The following GOSR2 variants were observed in gnomAD, a reference collection of about 807,000 sequenced individuals.
GOSR2 encodes the protein golgi SNAP receptor complex member 2.
In GOSR2, 20 loss-of-function variants were observed where a neutral mutation model predicts 27.9. That is an observed-to-expected ratio of 0.72 (90% CI 0.50 to 1.04). GOSR2 has a LOEUF of 1.04. Ranked by LOEUF, GOSR2 falls within the 50% of genes least tolerant of loss-of-function variation. The pLI, the probability that GOSR2 is intolerant of heterozygous loss-of-function variation, is 0.00. For synonymous variants in GOSR2, 91 were observed against 98.8 expected (o/e 0.92, Z 0.47); for missense variants, 261 against 270.5 (o/e 0.97, Z 0.25).
downstream of GOSR2, among the ~76,000 whole-genome samples, chr17:46,943,304 G>C (rs1421393075): frequency 6.6e-6 from 1 of 152,192 alleles, no homozygotes; most frequent in Non-Finnish European, 1.5e-5. Context: ...TCTCTGCTGA[G>C]TAAAGCACCT....
chr17:46,973,006 T>C (rs2091408407), intron 6 of GOSR2: 1 of 152,994 alleles, frequency 6.5e-6, no homozygotes, highest in Admixed American at 6.6e-5. Flanking sequence ...GGTGGGAAAG[T>C]GTCAAATAAA....
Position 46,941,826 on chromosome 17 carries a change from TCTGC to T in GOSR2, c.*3071_*3074del. ...GTCTTAAACTCCTGGCCTCAAGTGA[TCTGC>T]CTGCTTCGGCCTCCCAAAGTTCTAG... On this transcript the variant is annotated 3_prime_UTR_variant, in exon 6 of 6. Coordinates refer to ENST00000640051, the MANE Select transcript of GOSR2 (RefSeq NM_004287.5). 2.1e-6 allele frequency: 1 copy of T among 482,892 alleles called. No individual in the cohort carries two copies. The highest frequency in any genetic ancestry group is 2.7e-6 in the Non-Finnish European group (1 of 370,434). The allele number at this position is 482,892 out of a possible 1,614,324, so 29.9% of individuals were successfully genotyped here.
chr17:46,943,271 G>T (rs1014945642), downstream of GOSR2, among the ~76,000 whole-genome samples: 57 of 152,100 alleles, frequency 3.7e-4, no homozygotes, highest in African/African-American at 1.3e-3. Context: ...GTGGCCATTG[G>T]GTGCCCCTCA....
downstream of GOSR2, among the ~76,000 whole-genome samples, chr17:46,969,981 G>C (rs58758686): frequency 0.02 from 3,073 of 152,260 alleles, 87 homozygotes; most frequent in Admixed American, 0.072. Flanking sequence ...TGTGCAAGCA[G>C]ACACCGGGGG....
At chr17:46,937,875 AT>A (rs2088659847) in intron 5 of GOSR2, 1 of 152,804 alleles carries the variant, frequency 6.5e-6, no homozygotes, top group Non-Finnish European at 1.5e-5. Context: ...GTATTTATTT[AT>A]GTATTTTTTG....
rs1278419518 is a variant in GOSR2 at position 46,923,220 on chromosome 17, A to G, written c.28A>G (p.Lys10Glu). Residue 10 changes from lysine to glutamate, a missense_variant and splice_region_variant, in exon 1 of 6, where the codon AAG becomes GAG. Transcript: ENST00000640051. ...GGATCCCCTGTTCCAGCAAACGCAC[A>G]AGTGAGGGCCGGTCGGGGAGCGGGC... MDPLFQQTH[K>E]QVHEIQSCMG... 7 of 1,550,750 alleles carry G rather than the reference A, an allele frequency of 4.5e-6. No individual in the cohort carries two copies. The South Asian group carries it at 4.8e-5, about 11-fold the overall frequency.
At position 46,927,435 on chromosome 17, in the gene GOSR2, T is replaced by G. The variant is rs952998008; in HGVS notation, c.30-2085T>G. ...GGGTTTTGTGGGGGTGGGTAGTTTT[T>G]GGATTTTGTCTTATTTAAGAAATCT... is the stretch of plus-strand genomic sequence containing the variant. On this transcript the variant is annotated intron_variant, in intron 1 of 5. Coordinates refer to ENST00000640051, the MANE Select transcript of GOSR2 (RefSeq NM_004287.5). 5.9e-5 allele frequency among the ~76,000 whole-genome samples: 9 copies of G among 152,242 alleles called. No individual in the cohort carries two copies. The South Asian group carries it at 6.2e-4, about 10-fold the overall frequency.
intron 6 of GOSR2, among the ~76,000 whole-genome samples, chr17:46,954,103 C>T (rs1436457152): frequency 6.6e-5 from 10 of 152,156 alleles, no homozygotes; most frequent in Non-Finnish European, 1.5e-4. Context: ...GACATGAAGT[C>T]CTTGCCCATG....
rs749505686 is a variant in GOSR2 at position 46,932,195 on chromosome 17, C to G, written c.332C>G (p.Thr111Ser). ...REELLSRTFT[T>S]NDSDTTIPMD... ...GAGCTTCTGTCTCGAACCTTCACCACTAACGTAAGCCAGGCCCGTGGTGAG... is the reference window on the plus strand; with the variant it reads ...GAGCTTCTGTCTCGAACCTTCACCAGTAACGTAAGCCAGGCCCGTGGTGAG... Residue 111 changes from threonine to serine, a missense_variant, in exon 4 of 6, where the codon ACT (threonine) becomes AGT (serine). Physicochemically the swap from Thr to Ser is moderately conservative, Grantham distance 58 (BLOSUM62 1). Transcript: ENST00000640051. 1.2e-6 allele frequency: 2 copies of G among 1,614,062 alleles called. No individual in the cohort carries two copies. Among genetic ancestry groups the G allele is most frequent in the East Asian group, 4.5e-5 (2 of 44,882 alleles).
chr17:46,964,986 A>G (rs1200730745), intron 6 of GOSR2: 1 of 152,204 alleles, frequency 6.6e-6, no homozygotes, highest in Non-Finnish European at 1.5e-5. Flanking sequence ...TACCATGGCA[A>G]CCTCATTCCA....
chr17:46,950,434 C>G (rs2090250234), intron 6 of GOSR2, among the ~76,000 whole-genome samples: 1 of 152,176 alleles, frequency 6.6e-6, no homozygotes, highest in Non-Finnish European at 1.5e-5. Flanking sequence ...AGTGTATGAT[C>G]AGTGCCAGAG....
chr17:46,936,203 A>G, intron 5 of GOSR2: 1 of 985,492 alleles, frequency 1.0e-6, no homozygotes, highest in Non-Finnish European at 1.2e-6. Context: ...GAACTGATAC[A>G]TGTTGATTAG....
downstream of GOSR2, among the ~76,000 whole-genome samples, chr17:46,967,827 G>A (rs1036776168): frequency 6.6e-6 from 1 of 152,112 alleles, no homozygotes; most frequent in Admixed American, 6.5e-5. Context: ...AGATAAAGAG[G>A]GGGGTAGGGG....
At chr17:46,975,013 T>TTTTTTTA (rs2091434945) in intron 6 of GOSR2, among the ~76,000 whole-genome samples, 1 of 92,200 alleles carries the variant, frequency 1.1e-5, no homozygotes, top group Admixed American at 1.1e-4. Context: ...TTTTTTTTTT[T>TTTTTTTA]ATGTCCAGGG....
chr17:46,940,531 CGGCA>C lies in GOSR2; in HGVS notation c.*1772_*1775del, dbSNP rs2089124387. 1.2e-6 allele frequency: 2 copies of C among 1,613,868 alleles called. No individual in the cohort carries two copies. The highest frequency in any genetic ancestry group is 1.7e-6 in the Non-Finnish European group (2 of 1,179,908). On this transcript the variant is annotated 3_prime_UTR_variant, in exon 6 of 6. Coordinates refer to ENST00000640051, the MANE Select transcript of GOSR2 (RefSeq NM_004287.5). ...CATAAAATGGATTCTGAGACTGCGA[CGGCA>C]AGGCTGTCCTGTCCCCCAGGCACCC...
chr17:46,948,219 G>A (rs2090065419), intron 6 of GOSR2, among the ~76,000 whole-genome samples: 1 of 152,212 alleles, frequency 6.6e-6, no homozygotes, highest in South Asian at 2.1e-4. Context: ...TTTTGGAGAT[G>A]AATAATGCCC....
chr17:46,943,092 T>C (rs990531148), downstream of GOSR2, among the ~76,000 whole-genome samples: 4 of 152,188 alleles, frequency 2.6e-5, no homozygotes, highest in Non-Finnish European at 4.4e-5. Flanking sequence ...GCGATTGTAA[T>C]GCCCAGGGGT....
At position 46,932,183 on chromosome 17, in the gene GOSR2, G is replaced by A. The variant is rs750960207; in HGVS notation, c.320G>A (p.Arg107Gln). ...QERQREELLS[R>Q]TFTTNDSDTT... ...AGACAGCGAGAAGAGCTTCTGTCTC[G>A]AACCTTCACCACTAACGTAAGCCAG... Residue 107 changes from arginine (R) to glutamine (Q), a missense_variant, in exon 4 of 6, where the codon CGA (arginine) becomes CAA (glutamine). Transcript: ENST00000640051. 10 of 1,613,918 alleles carry A rather than the reference G, an allele frequency of 6.2e-6. No homozygotes were observed. Among genetic ancestry groups the A allele is most frequent in the East Asian group, 4.5e-5 (2 of 44,894 alleles).
chr17:46,954,680 T>A (rs2090594476), intron 6 of GOSR2, among the ~76,000 whole-genome samples: 1 of 152,252 alleles, frequency 6.6e-6, no homozygotes, highest in African/African-American at 2.4e-5. Flanking sequence ...CTTCCATTTG[T>A]TTGTGTCCTG....
Sources: gnomAD v4.1 joint callset for allele counts (sites outside exome capture counted in the v4.1 genomes callset) on GRCh38, gnomAD v4.1.1 for gene constraint, MANE v1.5 for transcripts, NCBI Gene and HGNC (gene_info 2026-07-23, HGNC 2026-07-21) for gene names.